Variants in ECPAS observed in about 807,000 individuals in gnomAD.
ECPAS encodes Ecm29 proteasome adaptor and scaffold, also known as proteasome adapter and scaffold protein ECM29.
In ECPAS, 70 loss-of-function variants were observed where a neutral mutation model predicts 255.1. The observed-to-expected ratio is 0.27, with a 90% confidence interval of 0.23 to 0.33. The LOEUF is 0.33. Ranked by LOEUF, ECPAS falls within the 10% of genes least tolerant of loss-of-function variation. The pLI, the probability that ECPAS is intolerant of heterozygous loss-of-function variation, is 1.00. For missense variants in ECPAS, 1,817 were observed against 2,206.4 expected (o/e 0.82, Z 3.54); for synonymous variants, 784 against 775.0 (o/e 1.01, Z -0.19).
chr9:111,435,648 T>C (rs2098236900), intron 7 of ECPAS, among the ~76,000 whole-genome samples: 1 of 151,974 alleles, frequency 6.6e-6, no homozygotes, highest in African/African-American at 2.4e-5. Context: ...GTCACATAGA[T>C]TGCACTCAAT....
At chr9:111,401,471 T>C (rs2098175961) in intron 24 of ECPAS, among the ~76,000 whole-genome samples, 1 of 152,092 alleles carries the variant, frequency 6.6e-6, no homozygotes, top group Admixed American at 6.5e-5. Context: ...AAGGGCAAAA[T>C]TAGAATTACT....
chr9:111,434,700 G>A (rs372544036), intron 7 of ECPAS, among the ~76,000 whole-genome samples: 8 of 147,562 alleles, frequency 5.4e-5, no homozygotes, highest in South Asian at 2.1e-4. Context: ...AGCAATTCTC[G>A]TGCCTCAGCC....
chr9:111,386,718 G>A lies in ECPAS; in HGVS notation c.3448-262C>T, dbSNP rs180695670. ...ATGAGAATGAAGTCCATTCACCCAG[G>A]CATGCACACAAAGCCTTCCATGACT... On this transcript the variant is annotated intron_variant, in intron 31 of 49. Transcript: ENST00000684092. Among the ~76,000 whole-genome samples the A allele has an allele frequency of 4.2e-3, 644 of 152,228 alleles. 4 individuals are homozygous for A. Among genetic ancestry groups the A allele is most frequent in the African/African-American group, 0.014 (591 of 41,536 alleles).
chr9:111,455,138 T>C (rs2098265247), intron 2 of ECPAS, among the ~76,000 whole-genome samples: 1 of 152,190 alleles, frequency 6.6e-6, no homozygotes, highest in Non-Finnish European at 1.5e-5. Flanking sequence ...TACTTTTAAA[T>C]ATTATATTGT....
intron 6 of ECPAS, among the ~76,000 whole-genome samples, chr9:111,439,719 T>C (rs2098243179): frequency 6.6e-6 from 1 of 152,070 alleles, no homozygotes; most frequent in South Asian, 2.1e-4. Context: ...AATGACTGGA[T>C]ATGAGAAACC....
chr9:111,439,147 G>A (rs899360951), intron 6 of ECPAS, among the ~76,000 whole-genome samples: 2 of 152,232 alleles, frequency 1.3e-5, no homozygotes, highest in Non-Finnish European at 2.9e-5. Context: ...TGGCCATATA[G>A]GCGGGTGTTT....
intron 1 of ECPAS, among the ~76,000 whole-genome samples, chr9:111,473,886 G>A (rs891944401): frequency 7.9e-5 from 12 of 152,172 alleles, no homozygotes; most frequent in African/African-American, 2.9e-4. Context: ...AAGATGGATT[G>A]AGACCAGGAA....
chr9:111,388,985 C>T (rs969930358), intron 31 of ECPAS, among the ~76,000 whole-genome samples: 3 of 152,184 alleles, frequency 2.0e-5, no homozygotes, highest in East Asian at 3.8e-4. Context: ...GTGCAAGTGA[C>T]ATCTGGACCA....
chr9:111,462,777 C>G (rs2098274707), intron 2 of ECPAS, among the ~76,000 whole-genome samples: 1 of 134,482 alleles, frequency 7.4e-6, no homozygotes, highest in Non-Finnish European at 1.5e-5. Context: ...GAGTTTCACT[C>G]TGTCACCAAG....
intron 7 of ECPAS, among the ~76,000 whole-genome samples, chr9:111,434,335 A>C (rs1432339292): frequency 1.3e-5 from 2 of 152,378 alleles, no homozygotes; most frequent in African/African-American, 4.8e-5. Context: ...AAATGTGTAA[A>C]GAAAACTGAA....
At chr9:111,476,574 A>ATTTTT (rs58723893) in intron 1 of ECPAS, among the ~76,000 whole-genome samples, 56 of 105,896 alleles carry the variant, frequency 5.3e-4, no homozygotes, top group Non-Finnish European at 6.2e-4. Flanking sequence ...TAACATCAGA[A>ATTTTT]TTTTTTTTTT....
chr9:111,431,067 A>G (rs1454394453), intron 8 of ECPAS, among the ~76,000 whole-genome samples: 1 of 152,180 alleles, frequency 6.6e-6, no homozygotes, highest in African/African-American at 2.4e-5. Context: ...AAAAATTTTT[A>G]CCCATGAAAT....
At chr9:111,455,197 T>C (rs12344283) in intron 2 of ECPAS, among the ~76,000 whole-genome samples, 2,821 of 152,266 alleles carry the variant, frequency 0.019, 89 homozygotes, top group African/African-American at 0.063. Flanking sequence ...TAGAAACACT[T>C]GCTTTCGGCC....
intron 49 of ECPAS, among the ~76,000 whole-genome samples, chr9:111,362,914 C>T (rs2131450444): frequency 6.6e-6 from 1 of 152,190 alleles, no homozygotes; most frequent in Admixed American, 6.5e-5. Context: ...TGATGGAGCC[C>T]TAAGAGAGGT....
At chr9:111,470,961 G>A (rs557920563) in intron 2 of ECPAS, among the ~76,000 whole-genome samples, 2 of 152,202 alleles carry the variant, frequency 1.3e-5, no homozygotes, top group African/African-American at 4.8e-5. Context: ...GTTTTAGGAG[G>A]TGACAAGCAG....
intron 29 of ECPAS, among the ~76,000 whole-genome samples, chr9:111,390,649 G>C (rs1050184228): frequency 6.6e-6 from 1 of 152,222 alleles, no homozygotes; most frequent in Admixed American, 6.5e-5. Flanking sequence ...TGTGATAACA[G>C]TGTACTGTGG....
chr9:111,405,872 C>G (rs2098183196), intron 24 of ECPAS, among the ~76,000 whole-genome samples: 1 of 149,338 alleles, frequency 6.7e-6, no homozygotes. Context: ...CAGCCATTAT[C>G]AAGAAGACAG....
At chr9:111,378,554 C>A (rs1179947837) in intron 36 of ECPAS, 26 bp downstream of exon 36, 2 of 1,600,260 alleles carry the variant, frequency 1.2e-6, no homozygotes, top group Non-Finnish European at 1.7e-6. Context: ...ATGATACTTA[C>A]CAATATGCCT....
At chr9:111,388,544 AATTT>A (rs1268797137) in intron 31 of ECPAS, among the ~76,000 whole-genome samples, 2 of 151,836 alleles carry the variant, frequency 1.3e-5, no homozygotes, top group African/African-American at 4.8e-5. Context: ...AGGATCATGG[AATTT>A]ATTTAAAGTG....
Sources: allele counts gnomAD v4.1 joint callset (sites outside exome capture counted in the v4.1 genomes callset), GRCh38; gene constraint gnomAD v4.1.1; transcripts MANE v1.5; gene names NCBI Gene and HGNC (gene_info 2026-07-23, HGNC 2026-07-21).